Variants in KAZN observed in about 807,000 individuals in gnomAD.
KAZN encodes the protein kazrin.
A neutral mutation model predicts 87.4 loss-of-function variants in KAZN; 40 were observed. The observed-to-expected ratio is 0.46, with a 90% CI of 0.36 to 0.60. The LOEUF (loss-of-function observed/expected upper bound fraction) is 0.60. KAZN is among the 20% of genes least tolerant of loss of function. The pLI is 0.00. For synonymous variants in KAZN, 466 were observed against 458.3 expected, an observed-to-expected ratio of 1.02 and a Z score of -0.22; for missense variants, 898 against 1,073.9, an observed-to-expected ratio of 0.84 and a Z score of 2.29.
intron 1 of KAZN, among the ~76,000 whole-genome samples, chr1:14,957,442 C>G (rs1269640417): frequency 1.3e-5 from 2 of 152,224 alleles, no homozygotes; most frequent in Non-Finnish European, 2.9e-5. Context: ...GTCACTGTTT[C>G]CAGCGCTGAA....
intron 1 of KAZN, among the ~76,000 whole-genome samples, chr1:14,124,981 A>T (rs886636284): frequency 1.3e-5 from 2 of 152,216 alleles, no homozygotes; most frequent in African/African-American, 4.8e-5. Context: ...GAGGGAAATG[A>T]AACACAGATT....
chr1:14,998,271 C>A lies in KAZN; in HGVS notation c.419-36478C>A, dbSNP rs1230686164. 3.3e-5 allele frequency among the ~76,000 whole-genome samples: 5 copies of A among 152,320 alleles called. No individual in the cohort carries two copies. The East Asian group carries it at 9.7e-4, about 29-fold the overall frequency. ...TTAGCCTGTGTGAAGGTTTGGGAAT[C>A]CGCTGCAATATGGGAGCCTGGGCCT... On this transcript the variant is annotated intron_variant, in intron 2 of 14. Transcript: ENST00000376030.
chr1:14,127,220 A>G (rs1368338343), intron 1 of KAZN, among the ~76,000 whole-genome samples: 1 of 152,250 alleles, frequency 6.6e-6, no homozygotes, highest in Non-Finnish European at 1.5e-5. Flanking sequence ...GGCAAGTTCA[A>G]TTTCATTGTC....
chr1:14,898,142 A>T (rs541757286), intron 1 of KAZN, among the ~76,000 whole-genome samples: 4 of 152,324 alleles, frequency 2.6e-5, no homozygotes, highest in Non-Finnish European at 5.9e-5. Context: ...TCCATTATCC[A>T]GATGAACCAA....
chr1:14,924,173 G>T, intron 1 of KAZN: 2 of 982,206 alleles, frequency 2.0e-6, no homozygotes, highest in Non-Finnish European at 2.4e-6. Context: ...TTCCTCGCGT[G>T]CAGCAGGCGC....
intron 2 of KAZN, among the ~76,000 whole-genome samples, chr1:14,422,647 A>G (rs1469048730): frequency 6.6e-6 from 1 of 152,244 alleles, no homozygotes; most frequent in Non-Finnish European, 1.5e-5. Context: ...ATATTCAAAT[A>G]CAGTTATATG....
chr1:14,023,374 A>G (rs1361672286), intron 1 of KAZN, among the ~76,000 whole-genome samples: 1 of 152,184 alleles, frequency 6.6e-6, no homozygotes, highest in Non-Finnish European at 1.5e-5. Context: ...AGTACCCATC[A>G]GGTGATATAT....
chr1:14,206,541 T>A (rs1490357432), intron 2 of KAZN, among the ~76,000 whole-genome samples: 1 of 152,144 alleles, frequency 6.6e-6, no homozygotes, highest in African/African-American at 2.4e-5. Flanking sequence ...TAACTAGACA[T>A]CATCATCCTC....
intron 2 of KAZN, among the ~76,000 whole-genome samples, chr1:14,399,336 G>A (rs527764803): frequency 6.6e-6 from 1 of 152,194 alleles, no homozygotes; most frequent in African/African-American, 2.4e-5. Flanking sequence ...TTTGATAACA[G>A]CTAATTTGTT....
chr1:14,187,114 G>T (rs657359), intron 2 of KAZN, among the ~76,000 whole-genome samples: 33,505 of 152,038 alleles, frequency 0.22, 5,016 homozygotes, highest in African/African-American at 0.42. Flanking sequence ...TATTAAGCTT[G>T]AATAAAATAG....
chr1:13,913,720 TC>T (rs973996517), intron 1 of KAZN, among the ~76,000 whole-genome samples: 42 of 152,298 alleles, frequency 2.8e-4, no homozygotes, highest in African/African-American at 9.6e-4. Flanking sequence ...GAGGGGGTGA[TC>T]CTTTTTGAAG....
Position 14,598,927 on chromosome 1 carries a change from C to T in KAZN, c.-71C>T. On this transcript the variant is annotated 5_prime_UTR_variant, in exon 1 of 15. Coordinates refer to ENST00000376030, the MANE Select transcript of KAZN (RefSeq NM_201628.3). This position sits in a 1 kb window ranked among gnomAD's most constrained non-coding sequence, Gnocchi z 4.2. ...ACACAACAGGTAGAGCCGGGGGTGC[C>T]CGGCCGCGCGCCCCCCGCGCATCAT... 6.4e-7 allele frequency: 1 copy of T among 1,553,528 alleles called. No individual in the cohort carries two copies. The highest frequency in any genetic ancestry group is 1.4e-5 in the African/African-American group (1 of 70,408).
intron 1 of KAZN, among the ~76,000 whole-genome samples, chr1:14,610,461 G>C (rs931359402): frequency 6.6e-6 from 1 of 152,050 alleles, no homozygotes; most frequent in Non-Finnish European, 1.5e-5. Flanking sequence ...CTGACCTCGT[G>C]ATCGACCCAC....
At chr1:13,965,594 A>C (rs1020421395) in intron 1 of KAZN, among the ~76,000 whole-genome samples, 1 of 152,188 alleles carries the variant, frequency 6.6e-6, no homozygotes, top group African/African-American at 2.4e-5. Flanking sequence ...ATTTCCCAGC[A>C]AGACTGGGAG....
intron 2 of KAZN, among the ~76,000 whole-genome samples, chr1:14,322,307 A>G (rs1363699665): frequency 6.6e-6 from 1 of 152,174 alleles, no homozygotes; most frequent in Non-Finnish European, 1.5e-5. Context: ...GTATGAAACA[A>G]TGACGTGGCA....
At chr1:14,897,742 A>T (rs1655423153) in intron 1 of KAZN, among the ~76,000 whole-genome samples, 1 of 152,106 alleles carries the variant, frequency 6.6e-6, no homozygotes, top group African/African-American at 2.4e-5. Flanking sequence ...GGCCGTTGTG[A>T]TATGTTATCT....
chr1:13,933,725 T>G (rs12133241), intron 1 of KAZN, among the ~76,000 whole-genome samples: 20,260 of 152,270 alleles, frequency 0.13, 1,609 homozygotes, highest in Middle Eastern at 0.23. Context: ...CATCGAGTAC[T>G]TGCTATGTGG....
At chr1:13,978,129 C>CAA (rs35828417) in intron 1 of KAZN, among the ~76,000 whole-genome samples, 22,090 of 81,790 alleles carry the variant, frequency 0.27, 3,735 homozygotes, top group Middle Eastern at 0.35. Context: ...CTCCATCTCA[C>CAA]AAAAAAAAAA....
Position 14,960,674 on chromosome 1 carries a change from T to C in KAZN, c.227-10T>C. 2 of 1,558,176 alleles carry C rather than the reference T, an allele frequency of 1.3e-6. No homozygotes were observed. The highest frequency in any genetic ancestry group is 1.7e-6 in the Non-Finnish European group (2 of 1,150,194). ...TTCCTGTCCTCTAACCCTGTGCCCTTCTCCCCTAGTGCTCCTGCGGGAAGA... is the reference window on the plus strand; with the variant it reads ...TTCCTGTCCTCTAACCCTGTGCCCTCCTCCCCTAGTGCTCCTGCGGGAAGA... On this transcript the variant is annotated splice_polypyrimidine_tract_variant and intron_variant, in intron 1 of 14. Coordinates refer to ENST00000376030, the MANE Select transcript of KAZN (RefSeq NM_201628.3).
Sources: gnomAD v4.1 joint callset for allele counts (sites outside exome capture counted in the v4.1 genomes callset) on GRCh38, gnomAD v4.1.1 for gene constraint, Gnocchi (gnomAD v3.1) non-coding constraint, MANE v1.5 for transcripts, NCBI Gene and HGNC (gene_info 2026-07-23, HGNC 2026-07-21) for gene names.